Variants in TIMP3 observed in about 807,000 individuals in gnomAD.
The protein encoded by TIMP3 is TIMP metallopeptidase inhibitor 3.
TIMP3 carries 11 observed loss-of-function variants against 30.0 expected under a neutral mutation model. The ratio of observed to expected loss-of-function variants is 0.37; its 90% confidence interval spans 0.23 to 0.61. The LOEUF is 0.61. TIMP3 is among the 20% of genes least tolerant of loss of function. The pLI is 0.70. For missense variants in TIMP3, 181 were observed against 276.8 expected (o/e 0.65, Z 2.45); for synonymous variants, 112 against 111.3 (o/e 1.01, Z -0.04).
chr22:32,815,632 T>C (rs1031957972), intron 1 of TIMP3, among the ~76,000 whole-genome samples: 1 of 152,210 alleles, frequency 6.6e-6, no homozygotes, highest in African/African-American at 2.4e-5. Context: ...TATACATATA[T>C]ACATGTAATA....
chr22:32,834,458 C>G (rs1463226939), intron 1 of TIMP3, among the ~76,000 whole-genome samples: 1 of 152,040 alleles, frequency 6.6e-6, no homozygotes, highest in Admixed American at 6.6e-5. Flanking sequence ...CCACTGCACC[C>G]GGCCAAGCCC....
In TIMP3 at chr22:32,818,366, C is replaced by A. The variant is rs538671921; in HGVS notation, c.121+16244C>A. Among the ~76,000 whole-genome samples, 28 of 152,222 alleles carry A rather than the reference C, an allele frequency of 1.8e-4. 1 individual carries two copies. The South Asian group carries it at 5.8e-3, about 32-fold the overall frequency. On this transcript the variant is annotated intron_variant, in intron 1 of 4. Transcript: ENST00000266085. Reference sequence around the variant, plus strand: ...GGGGGAGTCTTAGTTAGCCCAGGGGCTGGGGGCAGCATGGTAGTGTAGAAA... The same window carrying A: ...GGGGGAGTCTTAGTTAGCCCAGGGGATGGGGGCAGCATGGTAGTGTAGAAA...
At chr22:32,852,672 G>A (rs1011806054) in intron 2 of TIMP3, among the ~76,000 whole-genome samples, 5 of 152,124 alleles carry the variant, frequency 3.3e-5, no homozygotes, top group Admixed American at 1.3e-4. Flanking sequence ...ACCTTCTCCC[G>A]TCTGCTAACT....
At chr22:32,851,093 G>A (rs534747182) in intron 2 of TIMP3, among the ~76,000 whole-genome samples, 3 of 152,264 alleles carry the variant, frequency 2.0e-5, no homozygotes, top group Non-Finnish European at 4.4e-5. Flanking sequence ...AGACAGCCCT[G>A]GGGAGAGAAA....
intron 1 of TIMP3, among the ~76,000 whole-genome samples, chr22:32,815,812 A>G (rs941943743): frequency 2.0e-5 from 3 of 152,182 alleles, no homozygotes; most frequent in Non-Finnish European, 2.9e-5. Flanking sequence ...TCCTGACTCC[A>G]GAGTCCGAGC....
intron 3 of TIMP3, 97 bp from the exon 4 acceptor site, chr22:32,857,920 G>C (rs1468513681): frequency 6.3e-7 from 1 of 1,591,810 alleles, no homozygotes; most frequent in Non-Finnish European, 8.6e-7. Context: ...CCCAGCCACA[G>C]TGCCTGGGCT....
intron 1 of TIMP3, among the ~76,000 whole-genome samples, chr22:32,819,244 CCT>C (rs2047170317): frequency 6.6e-6 from 1 of 152,206 alleles, no homozygotes; most frequent in Non-Finnish European, 1.5e-5. Context: ...CAAGGAGCTG[CCT>C]CTCTGCTCAC....
At chr22:32,816,668 T>C (rs902477929) in intron 1 of TIMP3, among the ~76,000 whole-genome samples, 1 of 152,190 alleles carries the variant, frequency 6.6e-6, no homozygotes, top group Non-Finnish European at 1.5e-5. Context: ...CATCAAGACT[T>C]CAGTGTTCCC....
intron 1 of TIMP3, among the ~76,000 whole-genome samples, chr22:32,817,133 G>C (rs553226419): frequency 6.6e-6 from 1 of 151,822 alleles, no homozygotes; most frequent in African/African-American, 2.4e-5. Flanking sequence ...TGGGAGAATC[G>C]CTTGAGTCCA....
intron 2 of TIMP3, among the ~76,000 whole-genome samples, chr22:32,855,880 G>A (rs144857567): frequency 2.0e-5 from 3 of 152,244 alleles, no homozygotes; most frequent in Admixed American, 6.5e-5. Flanking sequence ...GCAATTTCAC[G>A]TGGTTCAATC....
intron 1 of TIMP3, among the ~76,000 whole-genome samples, chr22:32,830,460 A>G (rs1174305539): frequency 6.6e-6 from 1 of 152,152 alleles, no homozygotes; most frequent in Non-Finnish European, 1.5e-5. Context: ...CTGGTGCCCA[A>G]GTGCTCATGT....
chr22:32,859,827 A>G lies in TIMP3; in HGVS notation c.*450A>G, dbSNP rs2048485539. On this transcript the variant is annotated 3_prime_UTR_variant, in exon 5 of 5. Coordinates refer to ENST00000266085, the MANE Select transcript of TIMP3 (RefSeq NM_000362.5). ...AAGGACACAGACAAGGAACTTGCTG[A>G]AAGGCCAACCATTTCAGGATCAGTC... is the stretch of plus-strand genomic sequence containing the variant. The G allele has an allele frequency of 5.1e-6, 1 of 195,868 alleles. No individual in the cohort carries two copies. Among genetic ancestry groups the G allele is most frequent in the Non-Finnish European group, 1.1e-5 (1 of 95,162 alleles). 12.1% of individuals were successfully genotyped at this position (195,868 alleles called of 1,614,324 possible).
At chr22:32,803,527 C>T (rs2046647249) in intron 1 of TIMP3, among the ~76,000 whole-genome samples, 1 of 152,128 alleles carries the variant, frequency 6.6e-6, no homozygotes, top group African/African-American at 2.4e-5. Flanking sequence ...TACATCCTCC[C>T]CTCTCCTGGG....
intron 1 of TIMP3, among the ~76,000 whole-genome samples, 177 bp downstream of exon 1, chr22:32,802,299 G>A (rs2046610563): frequency 6.6e-6 from 1 of 152,090 alleles, no homozygotes; most frequent in Non-Finnish European, 1.5e-5. Context: ...AGCTGAGAGG[G>A]GAAGATGCCC....
intron 2 of TIMP3, among the ~76,000 whole-genome samples, chr22:32,852,653 G>A (rs2048253815): frequency 6.6e-6 from 1 of 152,162 alleles, no homozygotes; most frequent in Non-Finnish European, 1.5e-5. Flanking sequence ...ACTGATGGAA[G>A]GCAGGCAGAC....
chr22:32,851,631 C>G (rs868094840), intron 2 of TIMP3, among the ~76,000 whole-genome samples: 1 of 152,092 alleles, frequency 6.6e-6, no homozygotes, highest in African/African-American at 2.4e-5. Flanking sequence ...CTGACAGAGG[C>G]GCAAAGGGGA....
At chr22:32,859,114 C>T (rs2048461885) in intron 4 of TIMP3, 66 bp from the exon 5 acceptor site, 9 of 1,556,824 alleles carry the variant, frequency 5.8e-6, no homozygotes, top group South Asian at 2.2e-5. Flanking sequence ...AATCCAGGCT[C>T]GGTAGCCTCA....
intron 2 of TIMP3, among the ~76,000 whole-genome samples, chr22:32,855,816 C>T (rs759267716): frequency 1.3e-5 from 2 of 152,140 alleles, no homozygotes; most frequent in Non-Finnish European, 2.9e-5. Context: ...AAATTGCCTC[C>T]AGTTGAGAAC....
chr22:32,820,786 A>G (rs530467165), intron 1 of TIMP3, among the ~76,000 whole-genome samples: 12 of 152,212 alleles, frequency 7.9e-5, no homozygotes, highest in African/African-American at 1.7e-4. Flanking sequence ...TTGAAAGCCA[A>G]GTCAACAGAT....
Sources: gnomAD v4.1 joint callset for allele counts (sites outside exome capture counted in the v4.1 genomes callset) on GRCh38, gnomAD v4.1.1 for gene constraint, MANE v1.5 for transcripts, NCBI Gene and HGNC (gene_info 2026-07-23, HGNC 2026-07-21) for gene names.